The following FBXO11 variants were observed in gnomAD, a reference collection of about 807,000 sequenced individuals.
FBXO11 encodes F-box only protein 11.
A neutral mutation model predicts 117.0 loss-of-function variants in FBXO11; 13 were observed. The observed-to-expected ratio is 0.11, with a 90% confidence interval of 0.07 to 0.18. The LOEUF is 0.18. Ranked by LOEUF, FBXO11 falls within the 10% of genes least tolerant of loss-of-function variation. FBXO11 has a pLI of 1.00. For synonymous variants in FBXO11, 490 were observed against 380.5 expected, an observed-to-expected ratio of 1.29 and a Z score of -3.35; for missense variants, 767 against 1,164.4, an observed-to-expected ratio of 0.66 and a Z score of 4.97.
At chr2:47,828,580 G>T (rs550306258) in intron 11 of FBXO11, among the ~76,000 whole-genome samples, 30 of 150,794 alleles carry the variant, frequency 2.0e-4, no homozygotes, top group African/African-American at 6.6e-4. Flanking sequence ...CTGCACTCCA[G>T]CCTGGGTGAC....
intron 1 of FBXO11, among the ~76,000 whole-genome samples, chr2:47,898,831 T>C (rs904315814): frequency 3.3e-5 from 5 of 152,184 alleles, no homozygotes; most frequent in African/African-American, 1.2e-4. Context: ...CAAATGTATT[T>C]TGGTATCTTT....
At chr2:47,874,372 C>A (rs1256344878) in intron 1 of FBXO11, among the ~76,000 whole-genome samples, 13 of 152,010 alleles carry the variant, frequency 8.6e-5, no homozygotes. Flanking sequence ...CCATTTACTA[C>A]CTGGGTCCAA....
At chr2:47,828,468 C>A (rs115385606) in intron 11 of FBXO11, among the ~76,000 whole-genome samples, 1 of 152,002 alleles carries the variant, frequency 6.6e-6, no homozygotes, top group Non-Finnish European at 1.5e-5. Context: ...GTTAGCTGTG[C>A]GTGCTGGCAG....
In FBXO11 at chr2:47,808,097, C is replaced by CTT; in HGVS notation, c.*19_*20dup. 1 of 1,590,422 alleles carries CTT rather than the reference C, an allele frequency of 6.3e-7. No individual in the cohort carries two copies. The highest frequency in any genetic ancestry group is 8.5e-7 in the Non-Finnish European group (1 of 1,170,526). On this transcript the variant is annotated 3_prime_UTR_variant, in exon 23 of 23. Transcript: ENST00000403359. ...AAGTTATGATGTTACAATGGCAGGA[C>CTT]TTTTTCTTTAGGGAAGGAATTCAGT... is the stretch of plus-strand genomic sequence containing the variant.
intron 1 of FBXO11, among the ~76,000 whole-genome samples, chr2:47,859,150 C>A (rs1674556683): frequency 6.6e-6 from 1 of 151,624 alleles, no homozygotes; most frequent in Non-Finnish European, 1.5e-5. Context: ...ACTAACAGAA[C>A]TAATGAGCAA....
intron 1 of FBXO11, among the ~76,000 whole-genome samples, chr2:47,860,919 T>C (rs919799703): frequency 1.4e-5 from 2 of 147,594 alleles, no homozygotes; most frequent in Non-Finnish European, 3.0e-5. Flanking sequence ...CAATCTCGGC[T>C]CACTGCAACC....
chr2:47,905,004 A>AG, intron 1 of FBXO11: 1 of 152,328 alleles, frequency 6.6e-6, no homozygotes, highest in East Asian at 1.9e-4. Flanking sequence ...CTCCTCAGGA[A>AG]GGGGTAGGCT....
chr2:47,818,998 G>A lies in FBXO11; in HGVS notation c.1878C>T (p.Ser626=). 6.2e-7 allele frequency: 1 copy of A among 1,613,956 alleles called. No homozygotes were observed. Among genetic ancestry groups the A allele is most frequent in the Non-Finnish European group, 8.5e-7 (1 of 1,179,918 alleles). ...TLAGVWVTTG[S]TPVLRRNRIH... ...TCCGGTTTCTTCTCAGTACTGGAGT[G>A]CTGCCAGTTGTCACCCAGACTCCAG... Residue 626 remains serine, a synonymous_variant, in exon 15 of 23, where the codon AGC becomes AGT. Transcript: ENST00000403359.
chr2:47,834,760 A>C, intron 6 of FBXO11, 28 bp downstream of exon 6: 1 of 1,607,518 alleles, frequency 6.2e-7, no homozygotes, highest in South Asian at 1.1e-5. Context: ...TTACCATTTT[A>C]AGTCATAAAA....
intron 11 of FBXO11, among the ~76,000 whole-genome samples, chr2:47,830,845 G>A (rs1672126681): frequency 6.6e-6 from 1 of 152,104 alleles, no homozygotes; most frequent in Non-Finnish European, 1.5e-5. Context: ...GAAATCCCAT[G>A]CAAAGGCACA....
At chr2:47,901,568 A>G (rs1399732994) in intron 1 of FBXO11, among the ~76,000 whole-genome samples, 2 of 152,112 alleles carry the variant, frequency 1.3e-5, no homozygotes, top group Non-Finnish European at 2.9e-5. Context: ...AACTGTGGCA[A>G]TATTACCTAT....
intron 1 of FBXO11, among the ~76,000 whole-genome samples, chr2:47,854,172 T>A (rs1217091312): frequency 6.6e-6 from 1 of 151,976 alleles, no homozygotes; most frequent in Non-Finnish European, 1.5e-5. Context: ...AGAAAACAGT[T>A]ACTTAATGTC....
At chr2:47,870,128 T>C (rs1272177804) in intron 1 of FBXO11, among the ~76,000 whole-genome samples, 1 of 152,248 alleles carries the variant, frequency 6.6e-6, no homozygotes, top group African/African-American at 2.4e-5. Context: ...TGTTCATCTG[T>C]ACCATCAGCT....
intron 11 of FBXO11, among the ~76,000 whole-genome samples, chr2:47,825,211 G>GAAA (rs1671660414): frequency 6.6e-6 from 1 of 152,060 alleles, no homozygotes; most frequent in Non-Finnish European, 1.5e-5. Flanking sequence ...GTAGTTTTCA[G>GAAA]ACTTCATTTT....
rs565675783 is a variant in FBXO11, at chr2:47,885,572, CT to C, written c.232+19916del. Among the ~76,000 whole-genome samples the C allele has an allele frequency of 1.9e-3, 280 of 150,410 alleles. 2 individuals are homozygous for C. Among genetic ancestry groups the C allele is most frequent in the Admixed American group, 3.3e-3 (50 of 15,124 alleles). On this transcript the variant is annotated intron_variant, in intron 1 of 22. Coordinates refer to ENST00000403359, the MANE Select transcript of FBXO11 (RefSeq NM_001190274.2). ...CCTGGGCAACATAGGGAGACTCAGT[CT>C]CAAAAAAAGAAAAAAAAAAGAACAA...
chr2:47,891,632 T>G (rs990557459), intron 1 of FBXO11, among the ~76,000 whole-genome samples: 1 of 152,242 alleles, frequency 6.6e-6, no homozygotes, highest in African/African-American at 2.4e-5. Context: ...TTTGAATAAA[T>G]ACTTGGAAGA....
At position 47,818,800 on chromosome 2, in the gene FBXO11, A is replaced by G. The variant is rs1234450095; in HGVS notation, c.1985T>C (p.Met662Thr). 2.5e-6 allele frequency: 4 copies of G among 1,588,444 alleles called. No individual in the cohort carries two copies. Among genetic ancestry groups the G allele is most frequent in the Non-Finnish European group, 3.4e-6 (4 of 1,173,152 alleles). Residue 662 changes from methionine (M) to threonine (T), a missense_variant, in exon 16 of 23, where the codon ATG (methionine) becomes ACG (threonine). This residue lies in a region of FBXO11 where 42 missense variants were observed against 216.8 expected (regional missense o/e 0.19). Coordinates refer to ENST00000403359, the MANE Select transcript of FBXO11 (RefSeq NM_001190274.2). ...TTACCTTATCTGAACCCCTGAATAC[A>G]TATGATTATAGATATCATTGTCTTC... The part of the protein sequence containing the change: ...VLEDNDIYNH[M>T]YSGVQIRTGS...
chr2:47,905,054 C>T (rs1157102644), intron 1 of FBXO11: 1 of 153,634 alleles, frequency 6.5e-6, no homozygotes, highest in African/African-American at 2.4e-5. Flanking sequence ...CCCAGCCAAC[C>T]CCACCACCCG....
chr2:47,876,201 C>T (rs1010725593), intron 1 of FBXO11, among the ~76,000 whole-genome samples: 3 of 131,224 alleles, frequency 2.3e-5, no homozygotes, highest in African/African-American at 7.5e-5. Flanking sequence ...TTTTGTGCTA[C>T]TTTTTGGGAA....
Sources: gnomAD v4.1 joint callset for allele counts (sites outside exome capture counted in the v4.1 genomes callset) on GRCh38, gnomAD v4.1.1 for gene constraint, gnomAD v4.1.1 regional missense constraint, MANE v1.5 for transcripts, NCBI Gene and HGNC (gene_info 2026-07-23, HGNC 2026-07-21) for gene names.